Variants in MYO15A observed in about 807,000 individuals in gnomAD.
MYO15A encodes the protein unconventional myosin-XV.
MYO15A carries 308 observed loss-of-function variants against 394.6 expected under a neutral mutation model. That is an observed-to-expected ratio of 0.78 (90% CI 0.71 to 0.86). The LOEUF (loss-of-function observed/expected upper bound fraction) is 0.86, where lower values mean the gene tolerates loss of function less well. MYO15A is among the 40% of genes least tolerant of loss of function. The pLI is 0.00. For synonymous variants in MYO15A, 1,957 were observed against 2,003.8 expected (o/e 0.98, Z 0.62); for missense variants, 4,606 against 4,799.1 (o/e 0.96, Z 1.19).
rs965967475 is a variant in MYO15A at position 18,153,862 on chromosome 17, A to C, written c.8054A>C (p.Gln2685Pro). 5 of 1,613,528 alleles carry C rather than the reference A, an allele frequency of 3.1e-6. No homozygotes were observed. The South Asian group carries it at 5.5e-5, about 18-fold the overall frequency. Residue 2685 changes from glutamine (Q) to proline (P), a missense_variant, in exon 43 of 66, where the codon CAG becomes CCG. Physicochemically the swap from Gln to Pro is moderately conservative, Grantham distance 76 (BLOSUM62 -1). Transcript: ENST00000647165. The surrounding 1 kb of genome is among the most constrained non-coding windows in gnomAD (Gnocchi z 4.1). ...RLINPNFYGY[Q>P]DAPWKIFLRK... is the part of the protein sequence containing the mutation. ...ATCAATCCCAACTTCTACGGCTATC[A>C]GGACGCCCCCTGGAAGATCTTCCTG...
At chr17:18,124,378 C>A in intron 2 of MYO15A, 105 bp from the exon 3 acceptor site, 2 of 1,208,104 alleles carry the variant, frequency 1.7e-6, no homozygotes, top group Non-Finnish European at 2.4e-6. Flanking sequence ...CCTTGGGGTT[C>A]CCTCCCCAAC....
In MYO15A at chr17:18,132,402, G is replaced by T. The variant is rs1422607056; in HGVS notation, c.4207-51G>T. On this transcript the variant is annotated intron_variant, in intron 10 of 65. Coordinates refer to ENST00000647165, the MANE Select transcript of MYO15A (RefSeq NM_016239.4). The surrounding 1 kb of genome is among the most constrained non-coding windows in gnomAD (Gnocchi z 4.6). ...CTTGGGCTTGTATGTGTGCCTGGGG[G>T]TCACCTAGGTAGGTGGCTCCCTTCT... is the stretch of plus-strand genomic sequence containing the variant. 6.8e-7 allele frequency: 1 copy of T among 1,462,236 alleles called. No homozygotes were observed. 90.6% of individuals were successfully genotyped at this position (1,462,236 alleles called of 1,614,324 possible).
At position 18,148,363 on chromosome 17, in the gene MYO15A, C is replaced by G; in HGVS notation, c.6692-133C>G. 1 of 1,456,354 alleles carries G rather than the reference C, an allele frequency of 6.9e-7. No individual in the cohort carries two copies. The highest frequency in any genetic ancestry group is 1.2e-5 in the South Asian group (1 of 81,810). The allele number at this position is 1,456,354 out of a possible 1,614,324, so 90.2% of individuals were successfully genotyped here. On this transcript the variant is annotated intron_variant, in intron 31 of 65. Coordinates refer to ENST00000647165, the MANE Select transcript of MYO15A (RefSeq NM_016239.4). The surrounding 1 kb of genome is among the most constrained non-coding windows in gnomAD (Gnocchi z 4.8). ...GAAAGTCTGTGTGTGGGGGTGGGAC[C>G]TGGCCCAGGAAAGGGGAGCCAGGGA...
chr17:18,119,096 T>C lies in MYO15A; in HGVS notation c.296T>C (p.Met99Thr), dbSNP rs2045844308. Residue 99 changes from methionine to threonine, a missense_variant, in exon 2 of 66, where the codon ATG becomes ACG. Physicochemically the swap from Met to Thr is moderately conservative, Grantham distance 81 (BLOSUM62 -1). This residue lies in a region of MYO15A where 1,830 missense variants were observed against 1,689.7 expected (regional missense o/e 1.08). Transcript: ENST00000647165. ...QMRMGKKKRA[M>T]KGKKPSFMVI... ...CGCATGGGCAAGAAGAAGCGGGCGATGAAGGGCAAGAAGCCGTCCTTCATG... is the reference window on the plus strand; with the variant it reads ...CGCATGGGCAAGAAGAAGCGGGCGACGAAGGGCAAGAAGCCGTCCTTCATG... 1 of 1,611,996 alleles carries C rather than the reference T, an allele frequency of 6.2e-7. No individual in the cohort carries two copies.
At chr17:18,172,526 T>C in intron 64 of MYO15A, 1 of 616,884 alleles carries the variant, frequency 1.6e-6, no homozygotes, top group Non-Finnish European at 2.9e-6. Context: ...TAAAACATAC[T>C]CTATGCACTC....
Position 18,120,735 on chromosome 17 carries a change from C to A in MYO15A, c.1935C>A (p.Pro645=), listed in dbSNP as rs1436217946. 1.4e-6 allele frequency: 2 copies of A among 1,471,408 alleles called. No individual in the cohort carries two copies. Among genetic ancestry groups the A allele is most frequent in the Non-Finnish European group, 1.8e-6 (2 of 1,121,678 alleles). 91.1% of individuals were successfully genotyped at this position (1,471,408 alleles called of 1,614,324 possible). A position where few individuals can be genotyped will look rare whatever the true frequency, so the allele number is the denominator to read the frequency against. ...GCAGCAACGACGCGCGCCGCCCGCCCGCGCCACAGCCCGCGCCCAGGACCC... is the reference window on the plus strand; with the variant it reads ...GCAGCAACGACGCGCGCCGCCCGCCAGCGCCACAGCCCGCGCCCAGGACCC... ...ARSSNDARRP[P]APQPAPRTLS... Residue 645 remains proline (P), a synonymous_variant, in exon 2 of 66, where the codon CCC becomes CCA. Coordinates refer to ENST00000647165, the MANE Select transcript of MYO15A (RefSeq NM_016239.4).
At position 18,142,090 on chromosome 17, in the gene MYO15A, G is replaced by A. The variant is rs1340595061; in HGVS notation, c.5661G>A (p.Lys1887=). ...YRVGVSKLFL[K]EHLYQLLESM... ...CCTCCTGTCCTTAGCTGTTCCTTAA[G>A]GAACACCTATACCAGCTGCTGGAGA... The change falls in exon 24 of 66, where the codon AAG becomes AAA. Residue 1887 remains lysine, a synonymous_variant. Transcript: ENST00000647165. The A allele has an allele frequency of 1.2e-6, 2 of 1,612,998 alleles. No homozygotes were observed. The highest frequency in any genetic ancestry group is 1.7e-5 in the Admixed American group (1 of 60,024).
chr17:18,159,049 GC>G (rs1462830441), intron 53 of MYO15A, 52 bp downstream of exon 53: 3 of 1,590,604 alleles, frequency 1.9e-6, no homozygotes, highest in African/African-American at 1.3e-5. Context: ...TGATGCAGGG[GC>G]CCCCTCCCAG....
At chr17:18,128,173 T>C (rs1283422816) in intron 7 of MYO15A, among the ~76,000 whole-genome samples, 1 of 151,930 alleles carries the variant, frequency 6.6e-6, no homozygotes, top group Non-Finnish European at 1.5e-5. Context: ...ACCCCAGACA[T>C]TCGGTCTGAG....
In MYO15A at chr17:18,157,140, C is replaced by T. The variant is rs894567874; in HGVS notation, c.8714-16C>T. On this transcript the variant is annotated splice_polypyrimidine_tract_variant and intron_variant, in intron 49 of 65. Transcript: ENST00000647165. ...GGGGCCTCCCTGGCAGATGCTGACC[C>T]GAGCCTGGCCCATAGGCTACAGTGC... is the stretch of plus-strand genomic sequence containing the variant. 40 of 1,610,382 alleles carry T rather than the reference C, an allele frequency of 2.5e-5. No homozygotes were observed. The highest frequency in any genetic ancestry group is 4.5e-5 in the East Asian group (2 of 44,724).
In MYO15A at chr17:18,157,151, C is replaced by T. The variant is rs757348554; in HGVS notation, c.8714-5C>T. ...GGCAGATGCTGACCCGAGCCTGGCC[C>T]ATAGGCTACAGTGCTGGCTGCGTGG... On this transcript the variant is annotated splice_region_variant and splice_polypyrimidine_tract_variant and intron_variant, in intron 49 of 65. Coordinates refer to ENST00000647165, the MANE Select transcript of MYO15A (RefSeq NM_016239.4). 3.7e-6 allele frequency: 6 copies of T among 1,611,060 alleles called. No homozygotes were observed. The Admixed American group carries it at 8.4e-5, about 23-fold the overall frequency.
intron 7 of MYO15A, among the ~76,000 whole-genome samples, chr17:18,128,126 C>T (rs2046086698): frequency 6.6e-6 from 1 of 152,038 alleles, no homozygotes; most frequent in Non-Finnish European, 1.5e-5. Flanking sequence ...ACAGAGAAGA[C>T]AGACTGGGGT....
In MYO15A at chr17:18,120,225, C is replaced by G. The variant is rs779700062; in HGVS notation, c.1425C>G (p.Arg475=). 1 of 1,612,576 alleles carries G rather than the reference C, an allele frequency of 6.2e-7. No individual in the cohort carries two copies. Among genetic ancestry groups the G allele is most frequent in the African/African-American group, 1.3e-5 (1 of 74,944 alleles). ...CCAGGTCCAAGCTGTCCCTCATCCGCAAGTTCCGCCTCTTCCCGCGACCCC... is the reference window on the plus strand; with the variant it reads ...CCAGGTCCAAGCTGTCCCTCATCCGGAAGTTCCGCCTCTTCCCGCGACCCC... ...KPARSKLSLI[R]KFRLFPRPQV... Residue 475 remains arginine, a synonymous_variant, in exon 2 of 66, where the codon CGC becomes CGG. Transcript: ENST00000647165.
At chr17:18,127,480 C>T (rs2046070415) in intron 7 of MYO15A, among the ~76,000 whole-genome samples, 1 of 152,198 alleles carries the variant, frequency 6.6e-6, no homozygotes, top group Non-Finnish European at 1.5e-5. Context: ...CCCACCTGGC[C>T]TCACCTTCCT....
At chr17:18,126,255 G>A in intron 4 of MYO15A, 92 bp from the exon 5 acceptor site, 1 of 1,075,798 alleles carries the variant, frequency 9.3e-7, no homozygotes, top group Non-Finnish European at 1.4e-6. Context: ...CTGTCCGGAT[G>A]GAAACAGGGA....
At chr17:18,168,908 C>T (rs1259975890) in intron 62 of MYO15A, among the ~76,000 whole-genome samples, 2 of 151,288 alleles carry the variant, frequency 1.3e-5, no homozygotes, top group Non-Finnish European at 1.5e-5. Context: ...TTGAGACCAG[C>T]CTGGCCAACA....
In MYO15A at chr17:18,137,845, C is replaced by A. The variant is rs1017326871; in HGVS notation, c.4875+166C>A. 33 of 944,118 alleles carry A rather than the reference C, an allele frequency of 3.5e-5. 1 individual carries two copies. Among genetic ancestry groups the A allele is most frequent in the Middle Eastern group, 3.1e-4 (1 of 3,264 alleles). 58.5% of individuals were successfully genotyped at this position (944,118 alleles called of 1,614,324 possible). On this transcript the variant is annotated intron_variant, in intron 16 of 65. Coordinates refer to ENST00000647165, the MANE Select transcript of MYO15A (RefSeq NM_016239.4). ...ACCAGCCCATGGGAAGGCCTCTGTT[C>A]TGGAGGGAAAGGTGCTGAGGTGCTG...
At chr17:18,138,272 T>C (rs1302212458) in intron 17 of MYO15A, 26 bp downstream of exon 17, 2 of 1,608,442 alleles carry the variant, frequency 1.2e-6, no homozygotes, top group Non-Finnish European at 8.5e-7. Flanking sequence ...TGTGTGAGCC[T>C]AGTCAGGTCA....
At chr17:18,172,510 A>G in intron 64 of MYO15A, 1 of 691,574 alleles carries the variant, frequency 1.4e-6, no homozygotes, top group Non-Finnish European at 2.5e-6. Context: ...TGAAGGTGAG[A>G]TGAGGTAAAA....
Sources: gnomAD v4.1 joint callset for allele counts (sites outside exome capture counted in the v4.1 genomes callset) on GRCh38, gnomAD v4.1.1 for gene constraint, gnomAD v4.1.1 regional missense constraint, Gnocchi (gnomAD v3.1) non-coding constraint, MANE v1.5 for transcripts, NCBI Gene and HGNC (gene_info 2026-07-23, HGNC 2026-07-21) for gene names.